SPECC1: variants seen among roughly 807,000 people sequenced by gnomAD.
SPECC1 encodes cytospin-B.
In SPECC1, 62 loss-of-function variants were observed where a neutral mutation model predicts 104.1. The observed-to-expected ratio is 0.60, with a 90% CI of 0.49 to 0.74. SPECC1 has a LOEUF of 0.74. Ranked by LOEUF, SPECC1 falls within the 30% of genes least tolerant of loss-of-function variation. The probability of loss-of-function intolerance (pLI) is 0.00; values close to 1 mark genes in which losing one functional copy is unlikely to be tolerated. For synonymous variants in SPECC1, 513 were observed against 501.6 expected, an observed-to-expected ratio of 1.02 and a Z score of -0.30; for missense variants, 1,306 against 1,310.5, an observed-to-expected ratio of 1.00 and a Z score of 0.05.
intron 3 of SPECC1, among the ~76,000 whole-genome samples, chr17:20,191,961 G>A (rs2035702539): frequency 1.3e-5 from 2 of 151,988 alleles, no homozygotes; most frequent in African/African-American, 4.8e-5. Context: ...TATTGAGACA[G>A]TGTCTCACTC....
chr17:20,081,515 CAG>C (rs2046972564), intron 1 of SPECC1, among the ~76,000 whole-genome samples: 2 of 152,054 alleles, frequency 1.3e-5, no homozygotes, highest in African/African-American at 4.8e-5. Flanking sequence ...CCAAGGGACA[CAG>C]GGACCGACTG....
intron 1 of SPECC1, among the ~76,000 whole-genome samples, chr17:20,083,437 A>G (rs931001941): frequency 6.6e-6 from 1 of 152,262 alleles, no homozygotes; most frequent in African/African-American, 2.4e-5. Context: ...GGGTGAACTG[A>G]CATTTGATCT....
chr17:20,068,896 C>T (rs1340968596), intron 1 of SPECC1, among the ~76,000 whole-genome samples: 1 of 152,146 alleles, frequency 6.6e-6, no homozygotes, highest in Non-Finnish European at 1.5e-5. Context: ...ATTCTAGATA[C>T]TAGACACTTA....
intron 1 of SPECC1, among the ~76,000 whole-genome samples, chr17:20,042,876 C>T (rs998889165): frequency 6.6e-6 from 1 of 152,108 alleles, no homozygotes; most frequent in Non-Finnish European, 1.5e-5. Flanking sequence ...TAGTCTGCCT[C>T]CTCTTCCCCT....
At chr17:20,126,929 T>C (rs2049339996) in intron 3 of SPECC1, among the ~76,000 whole-genome samples, 5 of 152,360 alleles carry the variant, frequency 3.3e-5, no homozygotes, top group Admixed American at 1.3e-4. Context: ...CTTCTCTTTT[T>C]ACCCTGGAGT....
chr17:20,200,778 G>A (rs577290974), intron 3 of SPECC1, among the ~76,000 whole-genome samples: 1 of 152,182 alleles, frequency 6.6e-6, no homozygotes, highest in South Asian at 2.1e-4. Context: ...ATCATCATTG[G>A]TCTGATGATG....
At chr17:20,234,362 A>G (rs930202477) in intron 7 of SPECC1, among the ~76,000 whole-genome samples, 15 of 152,224 alleles carry the variant, frequency 9.9e-5, no homozygotes, top group African/African-American at 3.6e-4. Flanking sequence ...AAGTCAGACA[A>G]GTGCCGGAGA....
chr17:20,131,332 C>T (rs1203757153), intron 3 of SPECC1, among the ~76,000 whole-genome samples: 3 of 151,970 alleles, frequency 2.0e-5, no homozygotes, highest in Admixed American at 6.6e-5. Flanking sequence ...GGTGGGATTA[C>T]AGGCATGCTA....
intron 12 of SPECC1, among the ~76,000 whole-genome samples, chr17:20,284,264 A>G (rs1393110627): frequency 6.6e-6 from 1 of 152,228 alleles, no homozygotes; most frequent in Non-Finnish European, 1.5e-5. Flanking sequence ...AGCAGAGCAC[A>G]GCAGCCCCAC....
intron 3 of SPECC1, among the ~76,000 whole-genome samples, chr17:20,191,952 A>G (rs1211299584): frequency 6.6e-6 from 1 of 151,356 alleles, no homozygotes; most frequent in Non-Finnish European, 1.5e-5. Context: ...TTTTTTCTTT[A>G]TTGAGACAGT....
intron 11 of SPECC1, among the ~76,000 whole-genome samples, chr17:20,259,302 T>C (rs115165376): frequency 0.012 from 1,832 of 152,294 alleles, 35 homozygotes; most frequent in African/African-American, 0.041. Flanking sequence ...ATTAGTGCTG[T>C]TCTGAAGTTG....
At position 20,178,608 on chromosome 17, in the gene SPECC1, G is replaced by A. The variant is rs1314941133; in HGVS notation, c.284-25725G>A. ...TCCTGATTTAAAACTTTTACTAGAT[G>A]AAATACAAAGGGTAACAGACTGTGT... is the stretch of plus-strand genomic sequence containing the variant. On this transcript the variant is annotated intron_variant, in intron 3 of 14. Coordinates refer to ENST00000395527, the MANE Select transcript of SPECC1 (RefSeq NM_001243439.2). Among the ~76,000 whole-genome samples, 5 of 152,152 alleles carry A rather than the reference G, an allele frequency of 3.3e-5. No homozygotes were observed. In the East Asian group the frequency reaches 9.6e-4, roughly 29 times the overall value.
intron 3 of SPECC1, among the ~76,000 whole-genome samples, chr17:20,129,068 A>AT (rs2049466507): frequency 6.6e-6 from 1 of 151,474 alleles, no homozygotes; most frequent in South Asian, 2.1e-4. Flanking sequence ...AATTTTTTAA[A>AT]TTTTTTTGTA....
chr17:20,184,034 A>G (rs1041832396), intron 3 of SPECC1, among the ~76,000 whole-genome samples: 7 of 151,672 alleles, frequency 4.6e-5, no homozygotes, highest in Non-Finnish European at 1.0e-4. Flanking sequence ...ACAAAAAATT[A>G]GCCAGGTGTG....
intron 12 of SPECC1, among the ~76,000 whole-genome samples, chr17:20,292,342 T>G (rs972627128): frequency 1.8e-4 from 27 of 151,942 alleles, no homozygotes; most frequent in Admixed American, 7.2e-4. Flanking sequence ...ATCTTTTTTT[T>G]TGGGGGGGGG....
intron 3 of SPECC1, among the ~76,000 whole-genome samples, chr17:20,121,194 G>A (rs536508735): frequency 6.6e-6 from 1 of 152,124 alleles, no homozygotes; most frequent in Non-Finnish European, 1.5e-5. Flanking sequence ...GAAGAGCATG[G>A]TTATTTTATC....
chr17:20,111,747 C>T (rs1341208606), intron 3 of SPECC1: 16 of 641,194 alleles, frequency 2.5e-5, no homozygotes, highest in Non-Finnish European at 3.1e-5. Flanking sequence ...AGGGGAAAGG[C>T]GGAAGGAGAA....
chr17:20,221,602 A>G (rs1451351210), intron 4 of SPECC1, among the ~76,000 whole-genome samples: 1 of 151,628 alleles, frequency 6.6e-6, no homozygotes, highest in African/African-American at 2.4e-5. Flanking sequence ...TCAAAAACCA[A>G]CTTTTTGTTT....
chr17:20,141,002 G>A (rs1597802173), intron 3 of SPECC1, among the ~76,000 whole-genome samples: 1 of 152,298 alleles, frequency 6.6e-6, no homozygotes, highest in African/African-American at 2.4e-5. Context: ...CAACGACGGG[G>A]CCTGCTGCCG....
Sources: gnomAD v4.1 joint callset for allele counts (sites outside exome capture counted in the v4.1 genomes callset) on GRCh38, gnomAD v4.1.1 for gene constraint, MANE v1.5 for transcripts, NCBI Gene and HGNC (gene_info 2026-07-23, HGNC 2026-07-21) for gene names.